Variants in ACAP2 observed in about 807,000 individuals in gnomAD.
The protein encoded by ACAP2 is ArfGAP with coiled-coil, ankyrin repeat and PH domains 2.
A neutral mutation model predicts 115.8 loss-of-function variants in ACAP2; 39 were observed. The ratio of observed to expected loss-of-function variants is 0.34; its 90% CI spans 0.26 to 0.44. The LOEUF (loss-of-function observed/expected upper bound fraction) is 0.44. Among genes scored for constraint, ACAP2 ranks in the 20% least tolerant of loss-of-function variants. The pLI is 1.00. For synonymous variants in ACAP2, 289 were observed against 315.8 expected (o/e 0.92, Z 0.90); for missense variants, 662 against 927.6 (o/e 0.71, Z 3.72).
chr3:195,386,904 G>C (rs1442348300), intron 2 of ACAP2, among the ~76,000 whole-genome samples: 2 of 152,072 alleles, frequency 1.3e-5, no homozygotes, highest in Admixed American at 6.6e-5. Context: ...TGGAAGGACT[G>C]GAGACTCAAC....
intron 6 of ACAP2, 78 bp downstream of exon 6, chr3:195,342,393 C>A: frequency 7.3e-7 from 1 of 1,371,612 alleles, no homozygotes; most frequent in Non-Finnish European, 9.8e-7. Context: ...ATTTATTCTT[C>A]TTAGGGCGAT....
intron 1 of ACAP2, among the ~76,000 whole-genome samples, chr3:195,403,156 C>G (rs1301110857): frequency 1.3e-5 from 2 of 152,166 alleles, no homozygotes; most frequent in Admixed American, 6.5e-5. Flanking sequence ...GTGAACCATG[C>G]AGACAAGGGT....
chr3:195,278,052 GC>G lies in ACAP2; in HGVS notation c.*1275del. 1 of 148,688 alleles carries G rather than the reference GC, an allele frequency of 6.7e-6. No individual in the cohort carries two copies. The highest frequency in any genetic ancestry group is 2.0e-4 in the East Asian group (1 of 5,058). 9.2% of individuals were successfully genotyped at this position (148,688 alleles called of 1,614,324 possible). A position where few individuals can be genotyped will look rare whatever the true frequency, so the allele number is the denominator to read the frequency against. Reference sequence around the variant, plus strand: ...GCTGAGATCGTGCCACTGCACTCCAGCCTGGGTGACACAGCAAGACGCCATC... The same window carrying G: ...GCTGAGATCGTGCCACTGCACTCCAGCTGGGTGACACAGCAAGACGCCATC... On this transcript the variant is annotated 3_prime_UTR_variant, in exon 23 of 23. Coordinates refer to ENST00000326793, the MANE Select transcript of ACAP2 (RefSeq NM_012287.6).
intron 1 of ACAP2, among the ~76,000 whole-genome samples, chr3:195,425,054 A>G (rs891859052): frequency 6.7e-6 from 1 of 148,822 alleles, no homozygotes. Flanking sequence ...AAAAAAAAAA[A>G]GAGTTGATTG....
chr3:195,396,301 T>C (rs1711769873), intron 1 of ACAP2, among the ~76,000 whole-genome samples: 1 of 150,236 alleles, frequency 6.7e-6, no homozygotes, highest in East Asian at 2.0e-4. Flanking sequence ...CAACAGCAAG[T>C]TTACCACCAA....
intron 1 of ACAP2, among the ~76,000 whole-genome samples, chr3:195,433,086 T>A (rs1392687362): frequency 6.6e-6 from 1 of 152,038 alleles, no homozygotes; most frequent in Non-Finnish European, 1.5e-5. Context: ...GTTCCAGGAC[T>A]CCCCCTGCCC....
intron 1 of ACAP2, among the ~76,000 whole-genome samples, chr3:195,421,001 A>G (rs888542464): frequency 1.3e-5 from 2 of 152,214 alleles, no homozygotes; most frequent in African/African-American, 4.8e-5. Context: ...GAATAGGGTT[A>G]TAGACAGCCA....
intron 1 of ACAP2, among the ~76,000 whole-genome samples, chr3:195,429,910 A>T (rs1714978717): frequency 6.6e-6 from 1 of 152,204 alleles, no homozygotes; most frequent in South Asian, 2.1e-4. Context: ...TATAACAGAA[A>T]CATAGATGAA....
intron 15 of ACAP2, among the ~76,000 whole-genome samples, chr3:195,299,119 A>G (rs1431477975): frequency 3.9e-5 from 6 of 152,246 alleles, no homozygotes; most frequent in Non-Finnish European, 5.9e-5. Flanking sequence ...CTTCTTTAAA[A>G]TCTGCACTGG....
At chr3:195,301,259 G>GT (rs1445442448) in intron 15 of ACAP2, among the ~76,000 whole-genome samples, 1 of 151,890 alleles carries the variant, frequency 6.6e-6, no homozygotes, top group Non-Finnish European at 1.5e-5. Context: ...CTAATTTTTT[G>GT]TATTTTTTAG....
chr3:195,370,207 T>C (rs1367483427), intron 4 of ACAP2, among the ~76,000 whole-genome samples: 2 of 152,240 alleles, frequency 1.3e-5, no homozygotes, highest in African/African-American at 4.8e-5. Context: ...GTTGTCTGTT[T>C]ACTCTGTTGA....
intron 4 of ACAP2, among the ~76,000 whole-genome samples, chr3:195,364,433 CAGG>C (rs937178964): frequency 5.3e-5 from 8 of 152,048 alleles, no homozygotes; most frequent in African/African-American, 1.9e-4. Flanking sequence ...AGGCTGGGTG[CAGG>C]GGCTCATGCC....
chr3:195,354,366 A>G (rs932165512), intron 4 of ACAP2, among the ~76,000 whole-genome samples: 3 of 152,180 alleles, frequency 2.0e-5, no homozygotes, highest in Non-Finnish European at 4.4e-5. Flanking sequence ...CAGCAATGGT[A>G]TCTCACCCAG....
At chr3:195,297,984 AAAAC>A (rs199856856) in intron 15 of ACAP2, among the ~76,000 whole-genome samples, 2,038 of 152,322 alleles carry the variant, frequency 0.013, 33 homozygotes, top group African/African-American at 0.043. Flanking sequence ...CTTGACCACA[AAAAC>A]AAACAGTTTT....
rs1728620470 is a variant in ACAP2 at position 195,309,464 on chromosome 3, T to C, written c.858-627A>G. The stretch of plus-strand genomic sequence containing the variant: ...AGGAGGCTGAGGCAGGAGAACCACT[T>C]GAACCCGGGAGGCAGAGGTTGCAGT... On this transcript the variant is annotated intron_variant, in intron 10 of 22. Coordinates refer to ENST00000326793, the MANE Select transcript of ACAP2 (RefSeq NM_012287.6). Among the ~76,000 whole-genome samples, 3 of 151,648 alleles carry C rather than the reference T, an allele frequency of 2.0e-5. 1 individual carries two copies. The South Asian group carries it at 6.2e-4, about 31-fold the overall frequency.
intron 1 of ACAP2, among the ~76,000 whole-genome samples, chr3:195,402,150 A>G (rs1712359438): frequency 1.3e-5 from 2 of 152,182 alleles, no homozygotes; most frequent in South Asian, 2.1e-4. Flanking sequence ...AGCAGACACT[A>G]TGATTCATTT....
intron 1 of ACAP2, among the ~76,000 whole-genome samples, chr3:195,426,326 C>A (rs1458772990): frequency 6.6e-6 from 1 of 152,164 alleles, no homozygotes; most frequent in African/African-American, 2.4e-5. Context: ...AGGCAAACAT[C>A]CTGGGTTTCC....
chr3:195,312,973 G>A (rs989193547), intron 10 of ACAP2: 1 of 152,140 alleles, frequency 6.6e-6, no homozygotes, highest in South Asian at 2.1e-4. Flanking sequence ...TTTTCCTGTC[G>A]TGTGAAAAAA....
chr3:195,341,212 C>T (rs186262967), intron 6 of ACAP2, among the ~76,000 whole-genome samples: 9 of 152,064 alleles, frequency 5.9e-5, no homozygotes, highest in Admixed American at 4.6e-4. Flanking sequence ...CTTTGGAGAC[C>T]TATCACTTTC....
Sources: gnomAD v4.1 joint callset for allele counts (sites outside exome capture counted in the v4.1 genomes callset) on GRCh38, gnomAD v4.1.1 for gene constraint, MANE v1.5 for transcripts, NCBI Gene and HGNC (gene_info 2026-07-23, HGNC 2026-07-21) for gene names.